REDIC1: variants seen among roughly 807,000 people sequenced by gnomAD.
The protein encoded by REDIC1 is HEI10 Interacting Protein 1.
the REDIC1 span, chr12:39,721,116 A>T: frequency 1.2e-6 from 2 of 1,613,810 alleles, no homozygotes; most frequent in South Asian, 2.2e-5. Context: ...AGGAAAAATT[A>T]GATGTTGCCA....
At chr12:39,878,653 A>C in the REDIC1 span, among the ~76,000 whole-genome samples, 1 of 152,328 alleles carries the variant, frequency 6.6e-6, no homozygotes, top group African/African-American at 2.4e-5. Flanking sequence ...GGAGAAAAGG[A>C]ATTACTTAAA....
At chr12:39,640,237 A>G in the REDIC1 span, among the ~76,000 whole-genome samples, 2 of 151,808 alleles carry the variant, frequency 1.3e-5, no homozygotes, top group Non-Finnish European at 2.9e-5. Flanking sequence ...GAAAGAGGCT[A>G]CGTAGAGTCA....
At chr12:39,750,414 A>G in the REDIC1 span, among the ~76,000 whole-genome samples, 1 of 152,198 alleles carries the variant, frequency 6.6e-6, no homozygotes, top group African/African-American at 2.4e-5. Flanking sequence ...ACAAAAGAGG[A>G]CACAAACAAA....
chr12:39,851,209 T>C, the REDIC1 span, among the ~76,000 whole-genome samples: 14 of 152,314 alleles, frequency 9.2e-5, no homozygotes, highest in African/African-American at 3.1e-4. Context: ...CAAAGTTAAA[T>C]GTTTATAGAA....
the REDIC1 span, among the ~76,000 whole-genome samples, chr12:39,647,267 G>A: frequency 6.6e-6 from 1 of 151,970 alleles, no homozygotes; most frequent in African/African-American, 2.4e-5. Context: ...CCCTCACGTG[G>A]ATCCCAAGAT....
chr12:39,650,110 A>G, the REDIC1 span: 1 of 1,025,258 alleles, frequency 9.8e-7, no homozygotes, highest in Non-Finnish European at 1.3e-6. The surrounding 1 kb of genome is among the most constrained non-coding windows in gnomAD (Gnocchi z 4.3). Flanking sequence ...AAATTACTTT[A>G]TTTTGGACTA....
the REDIC1 span, among the ~76,000 whole-genome samples, chr12:39,631,261 A>G: frequency 6.6e-6 from 1 of 152,208 alleles, no homozygotes; most frequent in Non-Finnish European, 1.5e-5. Flanking sequence ...GGAAATTTTT[A>G]TTTAAAACAT....
the REDIC1 span, among the ~76,000 whole-genome samples, chr12:39,892,728 A>G: frequency 4.6e-5 from 7 of 152,322 alleles, no homozygotes; most frequent in East Asian, 1.4e-3. Flanking sequence ...AATAAACAAT[A>G]TCAAATTTGT....
chr12:39,629,717 C>G, the REDIC1 span, among the ~76,000 whole-genome samples: 13 of 152,112 alleles, frequency 8.5e-5, no homozygotes, highest in Non-Finnish European at 1.8e-4. Flanking sequence ...GATATCATAA[C>G]AGTGCATTTC....
At chr12:39,761,036 C>CAA in the REDIC1 span, among the ~76,000 whole-genome samples, 2 of 137,586 alleles carry the variant, frequency 1.5e-5, no homozygotes, top group Admixed American at 7.6e-5. Flanking sequence ...TGGAAAACAA[C>CAA]AAAGTAAAAT....
At chr12:39,671,237 A>T in the REDIC1 span, among the ~76,000 whole-genome samples, 1 of 152,154 alleles carries the variant, frequency 6.6e-6, no homozygotes, top group African/African-American at 2.4e-5. Flanking sequence ...GTTGGGTAGG[A>T]CACTTGGATT....
At chr12:39,787,098 A>C in the REDIC1 span, among the ~76,000 whole-genome samples, 1,322 of 152,232 alleles carry the variant, frequency 8.7e-3, 13 homozygotes, top group Middle Eastern at 0.044. Context: ...GAGTGACTCA[A>C]TCTGGTTAAA....
the REDIC1 span, among the ~76,000 whole-genome samples, chr12:39,842,544 C>T: frequency 6.6e-6 from 1 of 151,960 alleles, no homozygotes; most frequent in Admixed American, 6.6e-5. Flanking sequence ...GGTTACACTC[C>T]CCAGTAAAAT....
At chr12:39,718,348 C>T in the REDIC1 span, among the ~76,000 whole-genome samples, 5 of 151,998 alleles carry the variant, frequency 3.3e-5, no homozygotes, top group African/African-American at 7.2e-5. Flanking sequence ...TCTGGGTGGC[C>T]AGGGGCATTA....
the REDIC1 span, among the ~76,000 whole-genome samples, chr12:39,801,821 T>C: frequency 6.6e-6 from 1 of 152,132 alleles, no homozygotes; most frequent in Non-Finnish European, 1.5e-5. Context: ...CCCAGCATCT[T>C]ATGTTGAAGA....
chr12:39,737,685 T>G, the REDIC1 span, among the ~76,000 whole-genome samples: 1 of 152,236 alleles, frequency 6.6e-6, no homozygotes, highest in Non-Finnish European at 1.5e-5. Context: ...GAGACAGTAT[T>G]TCAACCAAAA....
At chr12:39,837,397 A>G in the REDIC1 span, among the ~76,000 whole-genome samples, 4,342 of 134,166 alleles carry the variant, frequency 0.032, 183 homozygotes, top group African/African-American at 0.12. Context: ...CTAGAAGAAA[A>G]CCTAGGCATT....
chr12:39,768,116 G>C, the REDIC1 span, among the ~76,000 whole-genome samples: 1 of 152,214 alleles, frequency 6.6e-6, no homozygotes, highest in Non-Finnish European at 1.5e-5. Flanking sequence ...AAGGTGTGAA[G>C]TGAAAACAGC....
At chr12:39,868,646 A>AG in the REDIC1 span, among the ~76,000 whole-genome samples, 2 of 152,156 alleles carry the variant, frequency 1.3e-5, no homozygotes, top group African/African-American at 2.4e-5. Flanking sequence ...AAAATACATG[A>AG]GGGGGGAAAA....
Sources: allele counts gnomAD v4.1 joint callset (sites outside exome capture counted in the v4.1 genomes callset), GRCh38; gene constraint gnomAD v4.1.1; non-coding constraint Gnocchi (gnomAD v3.1); transcripts MANE v1.5; gene names NCBI Gene and HGNC (gene_info 2026-07-23, HGNC 2026-07-21).